FBLN7: variants seen among roughly 807,000 people sequenced by gnomAD.
FBLN7 encodes the protein fibulin-7.
FBLN7 carries 31 observed loss-of-function variants against 44.0 expected under a neutral mutation model. The ratio of observed to expected loss-of-function variants is 0.70; its 90% CI spans 0.53 to 0.95. The LOEUF is 0.95. FBLN7 is among the 40% of genes least tolerant of loss of function. The pLI is 0.00. For synonymous variants in FBLN7, 262 were observed against 253.4 expected (o/e 1.03, Z -0.32); for missense variants, 573 against 618.5 (o/e 0.93, Z 0.78).
the FBLN7 span, among the ~76,000 whole-genome samples, chr2:112,226,577 A>C: frequency 5.5e-5 from 5 of 91,356 alleles, no homozygotes. Flanking sequence ...CAACAGAGCC[A>C]AGACTCCATC....
intron 4 of FBLN7, chr2:112,177,679 A>G (rs1682797487): frequency 1.3e-5 from 2 of 152,086 alleles, no homozygotes; most frequent in Admixed American, 1.3e-4. Flanking sequence ...TTCTGTACCC[A>G]TAACAGGACA....
the FBLN7 span, among the ~76,000 whole-genome samples, chr2:112,193,473 G>C: frequency 1.3e-5 from 2 of 152,132 alleles, no homozygotes; most frequent in South Asian, 2.1e-4. Context: ...TATATGAAGA[G>C]AGCCTATGCA....
chr2:112,166,937 CACAA>C (rs1682191685), intron 3 of FBLN7, among the ~76,000 whole-genome samples: 1 of 152,168 alleles, frequency 6.6e-6, no homozygotes, highest in African/African-American at 2.4e-5. Context: ...TCCCGGCCAC[CACAA>C]ACAATGTTGA....
chr2:112,198,617 CAG>C, the FBLN7 span, among the ~76,000 whole-genome samples: 3 of 148,552 alleles, frequency 2.0e-5, no homozygotes, highest in South Asian at 6.4e-4. Flanking sequence ...GCCTGGGTGA[CAG>C]AGTGAGATTG....
chr2:112,166,094 A>G (rs965904077), intron 3 of FBLN7, among the ~76,000 whole-genome samples: 17 of 152,336 alleles, frequency 1.1e-4, no homozygotes, highest in African/African-American at 2.6e-4. Flanking sequence ...TCCGTTGCCC[A>G]GTCTGGAGTG....
intron 3 of FBLN7, among the ~76,000 whole-genome samples, chr2:112,171,252 G>A (rs1465476160): frequency 1.3e-5 from 2 of 152,078 alleles, no homozygotes; most frequent in Non-Finnish European, 2.9e-5. Context: ...AGTGGAAGGA[G>A]GACCTGCAAG....
chr2:112,156,252 G>C (rs565455985), intron 1 of FBLN7, among the ~76,000 whole-genome samples: 1 of 152,198 alleles, frequency 6.6e-6, no homozygotes, highest in Non-Finnish European at 1.5e-5. Flanking sequence ...AACAAAGGAG[G>C]CAGTCCATTG....
chr2:112,164,743 C>T (rs1487147530), intron 2 of FBLN7, among the ~76,000 whole-genome samples: 2 of 152,210 alleles, frequency 1.3e-5, no homozygotes, highest in Non-Finnish European at 2.9e-5. Flanking sequence ...TCCCACGCTT[C>T]GAGGCCTTGC....
intron 3 of FBLN7, among the ~76,000 whole-genome samples, chr2:112,170,106 G>C (rs1682376130): frequency 1.3e-5 from 2 of 151,926 alleles, no homozygotes; most frequent in South Asian, 4.2e-4. Flanking sequence ...GCTGGGTGTG[G>C]TGGCAGGCGC....
At chr2:112,168,061 A>T (rs1682261686) in intron 3 of FBLN7, among the ~76,000 whole-genome samples, 1 of 152,132 alleles carries the variant, frequency 6.6e-6, no homozygotes, top group Non-Finnish European at 1.5e-5. Context: ...TGCAGAGCAG[A>T]CGGTCCCACC....
intron 1 of FBLN7, among the ~76,000 whole-genome samples, chr2:112,140,724 A>G (rs535500863): frequency 1.3e-5 from 2 of 152,102 alleles, no homozygotes; most frequent in African/African-American, 2.4e-5. Context: ...TAAATTTCCA[A>G]CCGAAGTATC....
the FBLN7 span, among the ~76,000 whole-genome samples, chr2:112,203,385 G>A: frequency 7.2e-5 from 11 of 152,224 alleles, no homozygotes; most frequent in Admixed American, 1.3e-4. Context: ...CTAACTAAGC[G>A]CTGACTTCAA....
At chr2:112,166,043 CTTTG>C (rs1682137481) in intron 3 of FBLN7, among the ~76,000 whole-genome samples, 1 of 152,110 alleles carries the variant, frequency 6.6e-6, no homozygotes, top group African/African-American at 2.4e-5. Context: ...AGAGAGAGGA[CTTTG>C]TTTTTGTTTT....
intron 2 of FBLN7, among the ~76,000 whole-genome samples, chr2:112,161,353 C>T (rs571244578): frequency 6.6e-5 from 10 of 152,172 alleles, no homozygotes; most frequent in Non-Finnish European, 1.5e-4. Flanking sequence ...CAGCTCTCAA[C>T]GGCACTGAGT....
chr2:112,145,744 A>G (rs144504237), intron 1 of FBLN7, among the ~76,000 whole-genome samples: 1,581 of 152,140 alleles, frequency 0.01, 32 homozygotes, highest in African/African-American at 0.035. Context: ...TTGAGGGCCA[A>G]TTTTTCATGT....
the FBLN7 span, among the ~76,000 whole-genome samples, chr2:112,237,502 C>T: frequency 2.6e-5 from 4 of 152,056 alleles, no homozygotes; most frequent in South Asian, 2.1e-4. Flanking sequence ...ACTGGAGCCT[C>T]GAACTCCTGG....
chr2:112,177,806 CTTGTGT>C lies in FBLN7; in HGVS notation c.532+1971_532+1976del, dbSNP rs1682802258. The C allele has an allele frequency of 2.6e-5, 4 of 152,144 alleles. No homozygotes were observed. In the South Asian group the frequency reaches 8.3e-4, roughly 32 times the overall value. The allele number at this position is 152,144 out of a possible 1,614,324, so 9.4% of individuals were successfully genotyped here. ...AGTAGAATCATGCAGGATTTGTCCA[CTTGTGT>C]TTGATTCCCATCAATCCTTGAAAAA... On this transcript the variant is annotated intron_variant, in intron 4 of 7. Transcript: ENST00000331203.
intron 3 of FBLN7, among the ~76,000 whole-genome samples, chr2:112,172,604 G>A (rs1682520692): frequency 6.7e-6 from 1 of 149,472 alleles, no homozygotes. Flanking sequence ...CTCAGGTATG[G>A]AATTCACCTT....
At chr2:112,175,907 TC>T (rs1452236034) in intron 4 of FBLN7, 68 bp downstream of exon 4, 1 of 1,568,642 alleles carries the variant, frequency 6.4e-7, no homozygotes, top group Non-Finnish European at 8.7e-7. Flanking sequence ...TAGGCATAGG[TC>T]CCCAAATGCA....
Sources: gnomAD v4.1 joint callset for allele counts (sites outside exome capture counted in the v4.1 genomes callset) on GRCh38, gnomAD v4.1.1 for gene constraint, MANE v1.5 for transcripts, NCBI Gene and HGNC (gene_info 2026-07-23, HGNC 2026-07-21) for gene names.